The following HIVEP1 variants were observed in gnomAD, a reference collection of about 807,000 sequenced individuals.
The protein encoded by HIVEP1 is zinc finger protein 40.
HIVEP1 carries 36 observed loss-of-function variants against 180.0 expected under a neutral mutation model. The ratio of observed to expected loss-of-function variants is 0.20; its 90% CI spans 0.15 to 0.26. The LOEUF (loss-of-function observed/expected upper bound fraction) is 0.26. HIVEP1 is among the 10% of genes least tolerant of loss of function. HIVEP1 has a pLI of 1.00. For missense variants in HIVEP1, 3,143 were observed against 3,268.7 expected (o/e 0.96, Z 0.94); for synonymous variants, 1,239 against 1,239.0 (o/e 1.00, Z 0.00).
At chr6:12,179,946 T>C in the HIVEP1 span, among the ~76,000 whole-genome samples, 5 of 152,318 alleles carry the variant, frequency 3.3e-5, no homozygotes, top group East Asian at 9.6e-4. Flanking sequence ...ACTAAACAGC[T>C]ATGACATGAA....
At chr6:12,158,603 C>T (rs1271460935) in intron 7 of HIVEP1, among the ~76,000 whole-genome samples, 1 of 152,144 alleles carries the variant, frequency 6.6e-6, no homozygotes, top group Non-Finnish European at 1.5e-5. Context: ...AGTCTCGTAC[C>T]TGCACCATTT....
rs201322734 is a variant in HIVEP1, at chr6:12,163,410, C to T, written c.7106C>T (p.Pro2369Leu). ...QEQKQQITLQ[P>L]TPGLPSPHTH... ...CAGAAGCAGCAAATAACTCTACAGC[C>T]GACTCCAGGCTTGCCTTCTCCCCAC... The change falls in exon 9 of 9, where the codon CCG becomes CTG. Residue 2369 changes from proline to leucine, a missense_variant. Around this residue, in one of 12 missense-constraint regions of HIVEP1, gnomAD observed 595 missense variants for 602.2 expected, o/e 0.99. Coordinates refer to ENST00000379388, the MANE Select transcript of HIVEP1 (RefSeq NM_002114.4). 5.3e-4 allele frequency: 848 copies of T among 1,614,172 alleles called. 2 individuals are homozygous for T. The highest frequency in any genetic ancestry group is 6.8e-4 in the Non-Finnish European group (802 of 1,180,034).
the HIVEP1 span, among the ~76,000 whole-genome samples, chr6:12,198,408 A>T: frequency 6.6e-6 from 1 of 152,190 alleles, no homozygotes; most frequent in Non-Finnish European, 1.5e-5. Context: ...AAAGGAGAAA[A>T]TTTGAAGATG....
rs375189143 is a variant in HIVEP1 at position 12,121,966 on chromosome 6, C to T, written c.2171C>T (p.Thr724Ile). 1.2e-6 allele frequency: 2 copies of T among 1,614,184 alleles called. No individual in the cohort carries two copies. Among genetic ancestry groups the T allele is most frequent in the Non-Finnish European group, 1.7e-6 (2 of 1,180,020 alleles). ...ACGTCAACACCCTCTGCTTTGCCCACAGGGGAAAAGGCATTGCTTTTACCA... is the reference window on the plus strand; with the variant it reads ...ACGTCAACACCCTCTGCTTTGCCCATAGGGGAAAAGGCATTGCTTTTACCA... Reference protein sequence around the residue: ...VTTSTPSALPTGEKALLLPGQ... With the variant: ...VTTSTPSALPIGEKALLLPGQ... Residue 724 changes from threonine (T) to isoleucine (I), a missense_variant, in exon 4 of 9, where the codon ACA (threonine) becomes ATA (isoleucine). Physicochemically the swap from Thr to Ile is moderately conservative, Grantham distance 89 (BLOSUM62 -1). Around this residue, in one of 12 missense-constraint regions of HIVEP1, gnomAD observed 365 missense variants for 344.4 expected, o/e 1.06. Transcript: ENST00000379388. This position sits in a 1 kb window ranked among gnomAD's most constrained non-coding sequence, Gnocchi z 5.3.
the HIVEP1 span, among the ~76,000 whole-genome samples, chr6:12,170,407 G>A: frequency 6.6e-6 from 1 of 152,132 alleles, no homozygotes; most frequent in African/African-American, 2.4e-5. Flanking sequence ...CACTGTGGAG[G>A]AGAATCCGTA....
intron 5 of HIVEP1, 144 bp downstream of exon 5, chr6:12,130,036 A>C: frequency 3.2e-6 from 2 of 619,756 alleles, no homozygotes; most frequent in Non-Finnish European, 5.8e-6. Context: ...TCCATAGCAA[A>C]ATATGTTAAC....
intron 3 of HIVEP1, among the ~76,000 whole-genome samples, chr6:12,114,938 A>C (rs1002324778): frequency 6.6e-6 from 1 of 152,216 alleles, no homozygotes; most frequent in African/African-American, 2.4e-5. Context: ...GTTAGAAAAC[A>C]GGTACTACTT....
chr6:12,060,924 G>A (rs192065205), intron 2 of HIVEP1, among the ~76,000 whole-genome samples: 6 of 152,302 alleles, frequency 3.9e-5, no homozygotes, highest in East Asian at 3.9e-4. Flanking sequence ...TTTCATTTGC[G>A]TAAGAGATGG....
At chr6:12,025,712 G>A (rs1163633424) in intron 2 of HIVEP1, among the ~76,000 whole-genome samples, 1 of 152,142 alleles carries the variant, frequency 6.6e-6, no homozygotes, top group Non-Finnish European at 1.5e-5. Context: ...TAGACGTATG[G>A]GCACTCTTCT....
At chr6:12,146,418 G>A (rs568103124) in intron 7 of HIVEP1, among the ~76,000 whole-genome samples, 5 of 152,260 alleles carry the variant, frequency 3.3e-5, no homozygotes, top group African/African-American at 1.2e-4. Context: ...ACTCCAGCCC[G>A]GGCAACAAGA....
intron 2 of HIVEP1, among the ~76,000 whole-genome samples, chr6:12,083,680 C>G (rs1427081266): frequency 1.3e-5 from 2 of 152,076 alleles, no homozygotes; most frequent in East Asian, 3.9e-4. Flanking sequence ...TAGGATAACA[C>G]TTGGTTAGTA....
At position 12,164,695 on chromosome 6, in the gene HIVEP1, A is replaced by T. The variant is rs6913803; in HGVS notation, c.*234A>T. The T allele has an allele frequency of 5.5e-3, 2,076 of 380,546 alleles. 35 individuals carry two copies. The highest frequency in any genetic ancestry group is 0.039 in the African/African-American group (1,881 of 47,884). The allele number at this position is 380,546 out of a possible 1,614,324, so 23.6% of individuals were successfully genotyped here. A position where few individuals can be genotyped will look rare whatever the true frequency, so the allele number is the denominator to read the frequency against. Reference sequence around the variant, plus strand: ...TGTTTAGAAACTGTACAGATTGTTGAATATCTATATACATAAAAATATATT... The same window carrying T: ...TGTTTAGAAACTGTACAGATTGTTGTATATCTATATACATAAAAATATATT... On this transcript the variant is annotated 3_prime_UTR_variant, in exon 9 of 9. Coordinates refer to ENST00000379388, the MANE Select transcript of HIVEP1 (RefSeq NM_002114.4).
chr6:12,077,903 A>G (rs1244137332), intron 2 of HIVEP1, among the ~76,000 whole-genome samples: 1 of 151,958 alleles, frequency 6.6e-6, no homozygotes, highest in Non-Finnish European at 1.5e-5. Flanking sequence ...GAGAGTATGG[A>G]TGTGTTTGTA....
At chr6:12,114,474 A>G (rs1348388847) in intron 3 of HIVEP1, among the ~76,000 whole-genome samples, 1 of 151,870 alleles carries the variant, frequency 6.6e-6, no homozygotes, top group Non-Finnish European at 1.5e-5. Context: ...AAGTGTAGGG[A>G]TTACCCATCC....
rs184464719 is a variant in HIVEP1 at position 12,060,954 on chromosome 6, C to T, written c.41-28230C>T. Among the ~76,000 whole-genome samples, 1,420 of 152,128 alleles carry T rather than the reference C, an allele frequency of 9.3e-3. 17 individuals are homozygous for T. Among genetic ancestry groups the T allele is most frequent in the African/African-American group, 0.032 (1,315 of 41,486 alleles). ...AGATGGACTGGCTTCTCTGTGGCTG[C>T]GGTTGCCATGGAGAGGTAGTGGGGG... is the stretch of plus-strand genomic sequence containing the variant. On this transcript the variant is annotated intron_variant, in intron 2 of 8. Transcript: ENST00000379388.
intron 3 of HIVEP1, among the ~76,000 whole-genome samples, chr6:12,109,421 C>T (rs1420435040): frequency 3.3e-5 from 5 of 152,198 alleles, no homozygotes; most frequent in Non-Finnish European, 7.3e-5. Context: ...GGAGTCAGTC[C>T]TCTCAAAGTC....
At chr6:12,102,535 G>C (rs73724357) in intron 3 of HIVEP1, among the ~76,000 whole-genome samples, 1 of 152,096 alleles carries the variant, frequency 6.6e-6, no homozygotes, top group African/African-American at 2.4e-5. Context: ...TGACACCAAG[G>C]CTTTCCAGAC....
intron 2 of HIVEP1, among the ~76,000 whole-genome samples, chr6:12,073,925 G>A (rs114710583): frequency 2.1e-3 from 322 of 152,184 alleles, no homozygotes; most frequent in African/African-American, 7.1e-3. Flanking sequence ...CAGGGTTTGT[G>A]GGTGAGCTGG....
chr6:12,108,480 C>T (rs1034066037), intron 3 of HIVEP1, among the ~76,000 whole-genome samples: 11 of 152,298 alleles, frequency 7.2e-5, no homozygotes, highest in South Asian at 2.1e-4. Context: ...CAGGAGCCCA[C>T]GGAGGGGGTG....
Sources: allele counts gnomAD v4.1 joint callset (sites outside exome capture counted in the v4.1 genomes callset), GRCh38; gene constraint gnomAD v4.1.1; regional missense constraint gnomAD v4.1.1; non-coding constraint Gnocchi (gnomAD v3.1); transcripts MANE v1.5; gene names NCBI Gene and HGNC (gene_info 2026-07-23, HGNC 2026-07-21).